The following KIAA1549L variants were observed in gnomAD, a reference collection of about 807,000 sequenced individuals.
KIAA1549L encodes the protein KIAA1549 like.
A neutral mutation model predicts 160.7 loss-of-function variants in KIAA1549L; 88 were observed. That is an observed-to-expected ratio of 0.55 (90% CI 0.46 to 0.65). KIAA1549L has a LOEUF of 0.65. Among genes scored for constraint, KIAA1549L ranks in the 30% least tolerant of loss-of-function variants. KIAA1549L has a pLI of 0.00. For synonymous variants in KIAA1549L, 950 were observed against 976.7 expected (o/e 0.97, Z 0.51); for missense variants, 2,258 against 2,437.5 (o/e 0.93, Z 1.55).
rs77227423 is a variant in KIAA1549L, at chr11:33,564,778, T to G, written c.4078+3043T>G. 4.6e-3 allele frequency among the ~76,000 whole-genome samples: 701 copies of G among 152,352 alleles called. 5 individuals carry two copies. The highest frequency in any genetic ancestry group is 0.016 in the African/African-American group (649 of 41,586). On this transcript the variant is annotated intron_variant, in intron 8 of 20. Transcript: ENST00000658780. ...CACTTGGGCCATGTGGACTTCACAT[T>G]CTCCTTTTGTAGGAGGAGGGAGAAG...
intron 1 of KIAA1549L, among the ~76,000 whole-genome samples, chr11:33,506,071 C>G (rs1427453773): frequency 6.6e-6 from 1 of 152,168 alleles, no homozygotes; most frequent in African/African-American, 2.4e-5. Flanking sequence ...TGGTTGTCAG[C>G]TTAAAAGTGG....
chr11:33,605,959 C>T (rs1437795643), intron 13 of KIAA1549L, among the ~76,000 whole-genome samples: 1 of 152,188 alleles, frequency 6.6e-6, no homozygotes, highest in Non-Finnish European at 1.5e-5. Context: ...AATTATCTGT[C>T]AGAAGGGAGG....
At chr11:33,406,634 C>T (rs1055220267) in intron 1 of KIAA1549L, among the ~76,000 whole-genome samples, 1 of 152,230 alleles carries the variant, frequency 6.6e-6, no homozygotes, top group Non-Finnish European at 1.5e-5. Context: ...GCAGGTCTGA[C>T]ATTTGCTCTC....
chr11:33,442,571 C>T (rs912269892), intron 1 of KIAA1549L, among the ~76,000 whole-genome samples: 1 of 152,194 alleles, frequency 6.6e-6, no homozygotes, highest in African/African-American at 2.4e-5. Flanking sequence ...TGTCTTTTCA[C>T]TCTGACTGCT....
intron 15 of KIAA1549L, among the ~76,000 whole-genome samples, chr11:33,613,817 A>G (rs192200476): frequency 1.1e-4 from 16 of 152,346 alleles, no homozygotes; most frequent in African/African-American, 3.8e-4. Context: ...ATGTTGACTC[A>G]TCACTAAATC....
chr11:33,493,630 A>G (rs537462763), intron 1 of KIAA1549L, among the ~76,000 whole-genome samples: 3 of 152,328 alleles, frequency 2.0e-5, no homozygotes, highest in South Asian at 2.1e-4. Context: ...TTGCTTTTAT[A>G]TGTAGAAATA....
At chr11:33,391,067 A>G (rs1193090439) in intron 1 of KIAA1549L, among the ~76,000 whole-genome samples, 2 of 152,250 alleles carry the variant, frequency 1.3e-5, no homozygotes, top group African/African-American at 2.4e-5. Context: ...ATTTCAAGGT[A>G]GAGAGGATGG....
At chr11:33,644,927 C>G (rs1851675449) in intron 16 of KIAA1549L, among the ~76,000 whole-genome samples, 2 of 152,240 alleles carry the variant, frequency 1.3e-5, no homozygotes, top group South Asian at 2.1e-4. Context: ...ACGAAGCAAG[C>G]ATTCATTAGC....
In KIAA1549L at chr11:33,442,094, T is replaced by TGTATAAG. The variant is rs1306060062; in HGVS notation, c.238+65214_238+65220dup. The stretch of plus-strand genomic sequence containing the variant: ...CTTTAATCCATCTTGAATTAATTTT[T>TGTATAAG]GTATAAGGTATAAGGAAGGGATCCA... On this transcript the variant is annotated intron_variant, in intron 1 of 20. Transcript: ENST00000658780. 7.2e-5 allele frequency among the ~76,000 whole-genome samples: 11 copies of TGTATAAG among 151,794 alleles called. No individual in the cohort carries two copies. The South Asian group carries it at 2.3e-3, about 32-fold the overall frequency.
chr11:33,581,094 G>A (rs1392969668), intron 10 of KIAA1549L, among the ~76,000 whole-genome samples: 2 of 152,190 alleles, frequency 1.3e-5, no homozygotes, highest in Admixed American at 6.5e-5. Context: ...AGGCACAGAA[G>A]AGCGGCCATG....
In KIAA1549L at chr11:33,541,824, T is replaced by C. The variant is rs11821853; in HGVS notation, c.261T>C (p.Asn87=). The stretch of plus-strand genomic sequence containing the variant: ...CAGGAACAGACAATCTACAGATGAA[T>C]GTCACCCGGACTCCAGAGTCATTTC... ...ADPGTDNLQM[N]VTRTPESFPP... is the part of the protein sequence containing the mutation. Residue 87 remains asparagine (N), a synonymous_variant, in exon 2 of 21, where the codon AAT becomes AAC. Coordinates refer to ENST00000658780, the MANE Select transcript of KIAA1549L (RefSeq NM_012194.3). 5.1e-3 allele frequency: 1,486 copies of C among 290,140 alleles called. 28 individuals carry two copies. The highest frequency in any genetic ancestry group is 0.03 in the African/African-American group (1,358 of 46,010). 18.0% of individuals were successfully genotyped at this position (290,140 alleles called of 1,614,324 possible). A position where few individuals can be genotyped will look rare whatever the true frequency, so the allele number is the denominator to read the frequency against.
At chr11:33,610,274 G>A (rs1850616572) in intron 15 of KIAA1549L, among the ~76,000 whole-genome samples, 1 of 151,996 alleles carries the variant, frequency 6.6e-6, no homozygotes, top group African/African-American at 2.4e-5. Flanking sequence ...CTACCTAATG[G>A]TGCAACTTCC....
intron 10 of KIAA1549L, among the ~76,000 whole-genome samples, chr11:33,582,222 A>G (rs565473019): frequency 6.6e-6 from 1 of 152,342 alleles, no homozygotes; most frequent in East Asian, 1.9e-4. Flanking sequence ...GCTCTTCTGT[A>G]CTAATAGTAT....
At chr11:33,651,502 C>T (rs1851884529) in intron 17 of KIAA1549L, among the ~76,000 whole-genome samples, 1 of 146,302 alleles carries the variant, frequency 6.8e-6, no homozygotes, top group African/African-American at 2.6e-5. Flanking sequence ...CCTCCTTCTT[C>T]CCTGGGACAG....
intron 16 of KIAA1549L, among the ~76,000 whole-genome samples, chr11:33,635,295 T>TA (rs1226285195): frequency 2.0e-5 from 3 of 151,998 alleles, no homozygotes; most frequent in Admixed American, 6.6e-5. Flanking sequence ...TGGTGGAAAA[T>TA]AAAAATGGAC....
chr11:33,585,423 C>G (rs554269922), intron 11 of KIAA1549L, among the ~76,000 whole-genome samples: 71 of 152,232 alleles, frequency 4.7e-4, no homozygotes, highest in African/African-American at 1.5e-3. Context: ...GAGGCTGAGG[C>G]AGGAGAATTG....
At chr11:33,632,902 G>A (rs1421248475) in intron 16 of KIAA1549L, among the ~76,000 whole-genome samples, 1 of 151,866 alleles carries the variant, frequency 6.6e-6, no homozygotes, top group East Asian at 1.9e-4. Context: ...GCATTTTAAG[G>A]AACACACCCA....
At chr11:33,628,881 C>T (rs1473956899) in intron 16 of KIAA1549L, among the ~76,000 whole-genome samples, 2 of 151,758 alleles carry the variant, frequency 1.3e-5, no homozygotes, top group South Asian at 2.1e-4. Context: ...TTCCCAGTCT[C>T]GATGGTCCTT....
intron 15 of KIAA1549L, among the ~76,000 whole-genome samples, chr11:33,614,986 T>C (rs940455421): frequency 6.6e-6 from 1 of 152,054 alleles, no homozygotes; most frequent in Non-Finnish European, 1.5e-5. Flanking sequence ...ACCTACCTTT[T>C]AAAACAACTG....
Sources: gnomAD v4.1 joint callset for allele counts (sites outside exome capture counted in the v4.1 genomes callset) on GRCh38, gnomAD v4.1.1 for gene constraint, MANE v1.5 for transcripts, NCBI Gene and HGNC (gene_info 2026-07-23, HGNC 2026-07-21) for gene names.